The following RABGAP1 variants were observed in gnomAD, a reference collection of about 807,000 sequenced individuals.
The protein encoded by RABGAP1 is RAB GTPase activating protein 1.
In RABGAP1, 23 loss-of-function variants were observed where a neutral mutation model predicts 137.6. That is an observed-to-expected ratio of 0.17 (90% CI 0.12 to 0.24). The LOEUF (loss-of-function observed/expected upper bound fraction) is 0.24. Ranked by LOEUF, RABGAP1 falls within the 10% of genes least tolerant of loss-of-function variation. The pLI, the probability that RABGAP1 is intolerant of heterozygous loss-of-function variation, is 1.00. For synonymous variants in RABGAP1, 451 were observed against 450.7 expected, an observed-to-expected ratio of 1.00 and a Z score of -0.01; for missense variants, 906 against 1,275.8, an observed-to-expected ratio of 0.71 and a Z score of 4.42.
intron 2 of RABGAP1, among the ~76,000 whole-genome samples, chr9:122,971,205 T>C (rs1244614311): frequency 6.6e-6 from 1 of 152,202 alleles, no homozygotes; most frequent in African/African-American, 2.4e-5. Context: ...TTACATTTCT[T>C]AGCTTGGACA....
In RABGAP1 at chr9:123,035,287, G is replaced by C. The variant is rs780975233; in HGVS notation, c.1794+14828G>C. The C allele has an allele frequency of 3.7e-6, 6 of 1,614,046 alleles. No individual in the cohort carries two copies. In the African/African-American group the frequency reaches 5.3e-5, roughly 14 times the overall value. On this transcript the variant is annotated intron_variant, in intron 13 of 25. Transcript: ENST00000373647. ...CAGCAGCCAGAGTGGGGAGACTGGG[G>C]AAGTGCAGGCCTGTCCTGATAAGCG...
intron 5 of RABGAP1, 101 bp downstream of exon 5, chr9:122,989,572 T>A (rs1588222973): frequency 1.6e-6 from 2 of 1,255,330 alleles, no homozygotes; most frequent in Admixed American, 4.0e-5. Flanking sequence ...ATAAGCCAGA[T>A]GAAATTCTCT....
At chr9:123,027,108 C>CTTTTTTTT (rs71388345) in intron 13 of RABGAP1, among the ~76,000 whole-genome samples, 8 of 100,054 alleles carry the variant, frequency 8.0e-5, no homozygotes, top group East Asian at 2.3e-4. Context: ...TCTTTCTTTT[C>CTTTTTTTT]TTTTTTTTTT....
intron 10 of RABGAP1, among the ~76,000 whole-genome samples, chr9:123,009,480 T>G (rs1426212953): frequency 6.6e-6 from 1 of 152,232 alleles, no homozygotes; most frequent in Non-Finnish European, 1.5e-5. Context: ...TATATATTTT[T>G]GTATAGCCAC....
intron 11 of RABGAP1, among the ~76,000 whole-genome samples, chr9:123,013,225 T>G (rs1343575847): frequency 6.6e-6 from 1 of 152,188 alleles, no homozygotes; most frequent in Non-Finnish European, 1.5e-5. Context: ...AAGAGTTGTA[T>G]TTGGTATATT....
intron 2 of RABGAP1, among the ~76,000 whole-genome samples, chr9:122,958,834 C>A (rs1207390682): frequency 6.6e-6 from 1 of 151,898 alleles, no homozygotes; most frequent in African/African-American, 2.4e-5. Context: ...CATGGCAAAA[C>A]CCCATTTCTA....
Position 123,001,660 on chromosome 9 carries a change from C to T in RABGAP1, c.1374+2894C>T, listed in dbSNP as rs1224643731. Reference sequence around the variant, plus strand: ...TGGAGTCAGAGCACATGGATTTTACCGCTAGCTTGTTAACTTTGAGCAAGT... The same window carrying T: ...TGGAGTCAGAGCACATGGATTTTACTGCTAGCTTGTTAACTTTGAGCAAGT... On this transcript the variant is annotated intron_variant, in intron 10 of 25. Transcript: ENST00000373647. Among the ~76,000 whole-genome samples, 5 of 152,118 alleles carry T rather than the reference C, an allele frequency of 3.3e-5. 1 individual carries two copies. Among genetic ancestry groups the T allele is most frequent in the Non-Finnish European group, 7.4e-5 (5 of 68,018 alleles).
At chr9:123,087,681 G>GGTCAGA (rs1564187077) in intron 19 of RABGAP1, among the ~76,000 whole-genome samples, 1 of 152,210 alleles carries the variant, frequency 6.6e-6, no homozygotes, top group Non-Finnish European at 1.5e-5. Flanking sequence ...GTCAGCTGGA[G>GGTCAGA]CAGAATGCTG....
At chr9:122,947,568 GT>G (rs1360056815) in intron 1 of RABGAP1, among the ~76,000 whole-genome samples, 2 of 152,158 alleles carry the variant, frequency 1.3e-5, no homozygotes, top group East Asian at 3.8e-4. Context: ...TCCTGTATTT[GT>G]TTAATTCCGA....
intron 10 of RABGAP1, among the ~76,000 whole-genome samples, chr9:122,999,143 C>G (rs1039469094): frequency 2.0e-5 from 3 of 151,776 alleles, no homozygotes; most frequent in African/African-American, 2.4e-5. Context: ...GATGTCCTTC[C>G]TATTCTTCTG....
chr9:122,952,627 T>A (rs1207199284), intron 1 of RABGAP1, among the ~76,000 whole-genome samples: 2 of 152,090 alleles, frequency 1.3e-5, no homozygotes, highest in Non-Finnish European at 2.9e-5. Flanking sequence ...TCCTAGCTAC[T>A]CAGGAGGTGG....
chr9:122,984,643 A>G lies in RABGAP1; in HGVS notation c.309A>G (p.Ser103=). The change falls in exon 3 of 26, where the codon TCA becomes TCG. Residue 103 remains serine (S), a synonymous_variant. Transcript: ENST00000373647. ...CTCTTTCTAATCAGCTCTCCGCTTC[A>G]TCCACCATTAACCCTGTGCCATTAG... ...DGPLSNQLSA[S]STINPVPLVG... 1 of 1,614,208 alleles carries G rather than the reference A, an allele frequency of 6.2e-7. No homozygotes were observed. Among genetic ancestry groups the G allele is most frequent in the East Asian group, 2.2e-5 (1 of 44,880 alleles).
intron 13 of RABGAP1, among the ~76,000 whole-genome samples, chr9:123,045,863 A>G (rs926819367): frequency 6.6e-6 from 1 of 152,226 alleles, no homozygotes; most frequent in East Asian, 1.9e-4. Context: ...ATTAGGTACT[A>G]TCACATCTAA....
At chr9:123,067,420 T>C (rs2034212827) in intron 14 of RABGAP1, among the ~76,000 whole-genome samples, 1 of 152,244 alleles carries the variant, frequency 6.6e-6, no homozygotes, top group Admixed American at 6.5e-5. Flanking sequence ...TTCAGTGGCC[T>C]CCACAGAAAC....
intron 19 of RABGAP1, among the ~76,000 whole-genome samples, chr9:123,088,913 C>T (rs918498947): frequency 2.0e-5 from 3 of 152,192 alleles, no homozygotes; most frequent in African/African-American, 7.2e-5. Context: ...AGATGTAAGA[C>T]CACTGGACAG....
chr9:123,087,832 G>A (rs538440490), intron 19 of RABGAP1, among the ~76,000 whole-genome samples: 2 of 152,142 alleles, frequency 1.3e-5, no homozygotes, highest in Non-Finnish European at 2.9e-5. Flanking sequence ...AGAGCGTCTG[G>A]AGACACTGAC....
At chr9:123,025,781 G>T (rs548234384) in intron 13 of RABGAP1, among the ~76,000 whole-genome samples, 2 of 151,494 alleles carry the variant, frequency 1.3e-5, no homozygotes, top group Non-Finnish European at 2.9e-5. Context: ...ACTTTATATC[G>T]TCATCTTTTG....
rs540095473 is a variant in RABGAP1 at position 123,057,396 on chromosome 9, G to GCTC, written c.1795-7948_1795-7946dup. ...GACGGGGTTGCGGCCGGGCAGAGGT[G>GCTC]CTCCTCACATCCCAGACGGGGCGGC... On this transcript the variant is annotated intron_variant, in intron 13 of 25. Coordinates refer to ENST00000373647, the MANE Select transcript of RABGAP1 (RefSeq NM_012197.4). 5.6e-4 allele frequency among the ~76,000 whole-genome samples: 83 copies of GCTC among 148,924 alleles called. No individual in the cohort carries two copies. In the South Asian group the frequency reaches 0.017, roughly 31 times the overall value.
At chr9:123,017,451 A>T (rs2031314916) in intron 12 of RABGAP1, among the ~76,000 whole-genome samples, 1 of 152,164 alleles carries the variant, frequency 6.6e-6, no homozygotes, top group African/African-American at 2.4e-5. Flanking sequence ...ATGTCTTCAG[A>T]TATAATAGTG....
Sources: gnomAD v4.1 joint callset for allele counts (sites outside exome capture counted in the v4.1 genomes callset) on GRCh38, gnomAD v4.1.1 for gene constraint, MANE v1.5 for transcripts, NCBI Gene and HGNC (gene_info 2026-07-23, HGNC 2026-07-21) for gene names.